Variants in LRRC37A2 observed in about 807,000 individuals in gnomAD.
LRRC37A2 encodes the protein leucine-rich repeat-containing protein 37A2.
Under a neutral mutation model 68.8 loss-of-function variants are expected in LRRC37A2, and 9 were observed. The observed-to-expected ratio is 0.13, with a 90% CI of 0.08 to 0.23. The LOEUF is 0.23. LRRC37A2 is among the 10% of genes least tolerant of loss of function. The probability of loss-of-function intolerance (pLI) is 1.00; values close to 1 mark genes in which losing one functional copy is unlikely to be tolerated. For synonymous variants in LRRC37A2, 63 were observed against 367.6 expected (o/e 0.17, Z 9.48); for missense variants, 168 against 950.4 (o/e 0.18, Z 10.82).
At chr17:46,933,790 T>C in the LRRC37A2 span, among the ~76,000 whole-genome samples, 10 of 151,612 alleles carry the variant, frequency 6.6e-5, no homozygotes, top group Non-Finnish European at 1.3e-4. Flanking sequence ...TGGTGAGACA[T>C]TGTCTCTACA....
At chr17:46,814,441 G>A in the LRRC37A2 span, among the ~76,000 whole-genome samples, 2 of 152,198 alleles carry the variant, frequency 1.3e-5, no homozygotes, top group Non-Finnish European at 2.9e-5. Context: ...CCCATAATGG[G>A]GGCGGGGTGA....
the LRRC37A2 span, among the ~76,000 whole-genome samples, chr17:46,959,230 C>T: frequency 6.6e-6 from 1 of 152,228 alleles, no homozygotes; most frequent in Admixed American, 6.5e-5. Flanking sequence ...TGACTGTGAG[C>T]TCAGAGCAGG....
At chr17:46,896,860 G>A in the LRRC37A2 span, among the ~76,000 whole-genome samples, 5 of 152,134 alleles carry the variant, frequency 3.3e-5, no homozygotes, top group Admixed American at 3.3e-4. Context: ...GCATGGGCCT[G>A]GGACCCTGAG....
chr17:46,971,772 G>A, the LRRC37A2 span, among the ~76,000 whole-genome samples: 5 of 152,326 alleles, frequency 3.3e-5, no homozygotes, highest in South Asian at 6.2e-4. Flanking sequence ...CACGCCTCAA[G>A]CTCTGTGGTT....
At chr17:46,618,520 A>AT in the LRRC37A2 span, among the ~76,000 whole-genome samples, 9 of 90,984 alleles carry the variant, frequency 9.9e-5, no homozygotes, top group African/African-American at 4.4e-4. Context: ...ACTTCTGTGG[A>AT]TTTTTTCACT....
At chr17:46,801,865 G>T in the LRRC37A2 span, among the ~76,000 whole-genome samples, 2 of 152,126 alleles carry the variant, frequency 1.3e-5, no homozygotes, top group Non-Finnish European at 2.9e-5. Flanking sequence ...CCGATGCTGT[G>T]CCAGTTCGAC....
the LRRC37A2 span, chr17:46,922,780 T>G: frequency 5.5e-5 from 10 of 181,786 alleles, no homozygotes; most frequent in Non-Finnish European, 9.2e-5. Flanking sequence ...GACCCCCGAT[T>G]AAATGGTTTA....
the LRRC37A2 span, among the ~76,000 whole-genome samples, chr17:46,893,286 A>C: frequency 1.7e-3 from 260 of 152,300 alleles, 1 homozygote; most frequent in African/African-American, 6.0e-3. Context: ...TCCTGTATTC[A>C]AATATTTCAT....
the LRRC37A2 span, among the ~76,000 whole-genome samples, chr17:46,934,464 G>C: frequency 5.9e-5 from 9 of 152,162 alleles, no homozygotes; most frequent in African/African-American, 2.2e-4. Flanking sequence ...TAAGGTTGCA[G>C]TGAGCTGAGA....
the LRRC37A2 span, among the ~76,000 whole-genome samples, chr17:46,947,430 C>G: frequency 9.2e-5 from 14 of 152,196 alleles, no homozygotes; most frequent in African/African-American, 3.4e-4. Flanking sequence ...CTGCCACACA[C>G]CTTCAGAGCT....
the LRRC37A2 span, among the ~76,000 whole-genome samples, chr17:47,040,370 C>G: frequency 6.6e-6 from 1 of 151,806 alleles, no homozygotes; most frequent in East Asian, 1.9e-4. Flanking sequence ...AGTGTTTGGG[C>G]CATACTTTGT....
At chr17:46,836,337 CTTCA>C in the LRRC37A2 span, among the ~76,000 whole-genome samples, 1 of 152,108 alleles carries the variant, frequency 6.6e-6, no homozygotes, top group Non-Finnish European at 1.5e-5. Context: ...GTTTTTTGAA[CTTCA>C]TTCATGAAGC....
the LRRC37A2 span, chr17:46,939,041 C>T: frequency 3.1e-6 from 4 of 1,270,636 alleles, no homozygotes; most frequent in South Asian, 6.0e-5. Context: ...GAAAGAATGG[C>T]TTTGGTGGCT....
the LRRC37A2 span, among the ~76,000 whole-genome samples, chr17:47,031,245 G>A: frequency 4.0e-5 from 6 of 148,754 alleles, no homozygotes; most frequent in Admixed American, 1.4e-4. Context: ...TGGCCCAAGC[G>A]CAGTAAAGTC....
the LRRC37A2 span, among the ~76,000 whole-genome samples, chr17:46,929,342 T>G: frequency 6.6e-6 from 1 of 152,220 alleles, no homozygotes; most frequent in South Asian, 2.1e-4. Context: ...TGTTAGTAGT[T>G]AAGATATTAG....
the LRRC37A2 span, among the ~76,000 whole-genome samples, chr17:46,856,321 T>A: frequency 1.3e-5 from 2 of 152,140 alleles, no homozygotes; most frequent in African/African-American, 2.4e-5. Flanking sequence ...CTGGCACATA[T>A]GTGCTAAGTG....
chr17:46,883,341 A>T, the LRRC37A2 span, among the ~76,000 whole-genome samples: 1 of 142,780 alleles, frequency 7.0e-6, no homozygotes, highest in Non-Finnish European at 1.5e-5. Flanking sequence ...CTGGAGTGCA[A>T]TGGCGCAATC....
the LRRC37A2 span, among the ~76,000 whole-genome samples, chr17:46,908,938 C>A: frequency 6.6e-6 from 1 of 152,198 alleles, no homozygotes; most frequent in Non-Finnish European, 1.5e-5. Flanking sequence ...TGAGGAGGCC[C>A]TGGGCTGTCA....
the LRRC37A2 span, among the ~76,000 whole-genome samples, chr17:46,499,364 T>G: frequency 2.0e-5 from 3 of 149,674 alleles, no homozygotes; most frequent in South Asian, 6.2e-4. Context: ...CTCTTCTTCC[T>G]TCTAGAAACA....
Sources: allele counts gnomAD v4.1 joint callset (sites outside exome capture counted in the v4.1 genomes callset), GRCh38; gene constraint gnomAD v4.1.1; transcripts MANE v1.5; gene names NCBI Gene and HGNC (gene_info 2026-07-23, HGNC 2026-07-21).